HAPLN1: variants seen among roughly 807,000 people sequenced by gnomAD.
HAPLN1 encodes the protein hyaluronan and proteoglycan link protein 1, also known as Cartilage link protein.
A neutral mutation model predicts 36.5 loss-of-function variants in HAPLN1; 13 were observed. The observed-to-expected ratio is 0.36, with a 90% CI of 0.23 to 0.57. The LOEUF (loss-of-function observed/expected upper bound fraction) is 0.57, where lower values mean the gene tolerates loss of function less well. Ranked by LOEUF, HAPLN1 falls within the 20% of genes least tolerant of loss-of-function variation. HAPLN1 has a pLI of 0.83. For missense variants in HAPLN1, 407 were observed against 439.7 expected (o/e 0.93, Z 0.66); for synonymous variants, 202 against 169.8 (o/e 1.19, Z -1.48).
chr5:83,649,492 A>G (rs1484679826), intron 3 of HAPLN1, among the ~76,000 whole-genome samples: 1 of 152,032 alleles, frequency 6.6e-6, no homozygotes, highest in Non-Finnish European at 1.5e-5. Flanking sequence ...TCTGTCACCC[A>G]GGCTGGAGTG....
At chr5:83,712,199 A>G (rs1390613369) in intron 1 of HAPLN1, among the ~76,000 whole-genome samples, 1 of 152,192 alleles carries the variant, frequency 6.6e-6, no homozygotes, top group African/African-American at 2.4e-5. Context: ...GTGGCAGCAC[A>G]AGCACAATAT....
At chr5:83,710,456 T>G (rs1252597362) in intron 1 of HAPLN1, among the ~76,000 whole-genome samples, 1 of 152,022 alleles carries the variant, frequency 6.6e-6, no homozygotes, top group Non-Finnish European at 1.5e-5. Context: ...GAGGAGCATT[T>G]CAATGGAGTA....
intron 1 of HAPLN1, among the ~76,000 whole-genome samples, chr5:83,702,075 T>A (rs546073735): frequency 6.6e-6 from 1 of 152,242 alleles, no homozygotes; most frequent in Admixed American, 6.5e-5. Context: ...GTTACATGAA[T>A]GATGCAAGCA....
chr5:83,652,109 A>C, intron 3 of HAPLN1: 1 of 284,052 alleles, frequency 3.5e-6, no homozygotes, highest in East Asian at 5.9e-5. Context: ...TTTTAGAAAC[A>C]AAATAAAAAA....
rs368031060 is a variant in HAPLN1, at chr5:83,641,827, T to C, written c.776-42A>G. ...ACAGAGTCAATGGGCTGGTCTTCAA[T>C]TGAGCCACACAGAGATAGAAAGAGC... On this transcript the variant is annotated intron_variant, in intron 4 of 4. Transcript: ENST00000274341. 248 of 1,588,604 alleles carry C rather than the reference T, an allele frequency of 1.6e-4. No individual in the cohort carries two copies. The highest frequency in any genetic ancestry group is 5.5e-4 in the Middle Eastern group (3 of 5,420).
chr5:83,647,505 A>G (rs770764284), intron 3 of HAPLN1, among the ~76,000 whole-genome samples: 3 of 152,154 alleles, frequency 2.0e-5, no homozygotes, highest in Non-Finnish European at 4.4e-5. Context: ...GAACTTCATT[A>G]TTGTTAGTAT....
chr5:83,648,300 T>C (rs910566620), intron 3 of HAPLN1, among the ~76,000 whole-genome samples: 7 of 149,682 alleles, frequency 4.7e-5, no homozygotes, highest in African/African-American at 1.7e-4. Context: ...TTTTTGTCAG[T>C]ATGGTTATAT....
At chr5:83,646,910 G>A (rs1235989633) in intron 3 of HAPLN1, among the ~76,000 whole-genome samples, 1 of 152,236 alleles carries the variant, frequency 6.6e-6, no homozygotes, top group African/African-American at 2.4e-5. Context: ...TAGATCTTAA[G>A]TGACAGAAAA....
At chr5:83,704,952 C>G (rs1751604139) in intron 1 of HAPLN1, among the ~76,000 whole-genome samples, 1 of 152,208 alleles carries the variant, frequency 6.6e-6, no homozygotes, top group Non-Finnish European at 1.5e-5. Context: ...ACAGAATATA[C>G]ATTTTTTTCT....
At chr5:83,676,869 C>T (rs1183613963) in intron 1 of HAPLN1, among the ~76,000 whole-genome samples, 1 of 152,142 alleles carries the variant, frequency 6.6e-6, no homozygotes, top group Non-Finnish European at 1.5e-5. Context: ...AAGATGAATC[C>T]AAACTGAAAT....
rs1024304348 is a variant in HAPLN1 at position 83,652,525 on chromosome 5, A to T, written c.400T>A (p.Tyr134Asn). The T allele has an allele frequency of 6.2e-7, 1 of 1,613,954 alleles. No individual in the cohort carries two copies. The highest frequency in any genetic ancestry group is 8.5e-7 in the Non-Finnish European group (1 of 1,179,932). Residue 134 changes from tyrosine to asparagine, a missense_variant, in exon 3 of 5, where the codon TAT (tyrosine) becomes AAT (asparagine). Tyr to Asn is a moderately radical substitution (Grantham distance 143). Coordinates refer to ENST00000274341, the MANE Select transcript of HAPLN1 (RefSeq NM_001884.4). ...LVITDLTLED[Y>N]GRYKCEVIEG... ...ATCACCTCACACTTATATCTCCCAT[A>T]ATCTTCCAGAGTGAGGTCTGTGATG... is the stretch of plus-strand genomic sequence containing the variant.
At chr5:83,675,869 G>C (rs1750848739) in intron 1 of HAPLN1, among the ~76,000 whole-genome samples, 1 of 152,166 alleles carries the variant, frequency 6.6e-6, no homozygotes, top group Non-Finnish European at 1.5e-5. Context: ...CAGTAATCTT[G>C]CTGGAAGGTA....
At chr5:83,686,313 C>G (rs73133863) in intron 1 of HAPLN1, among the ~76,000 whole-genome samples, 1 of 152,188 alleles carries the variant, frequency 6.6e-6, no homozygotes, top group South Asian at 2.1e-4. Flanking sequence ...GGTAAAACAA[C>G]GAAACAGCTG....
At chr5:83,711,188 A>T (rs1751775784) in intron 1 of HAPLN1, among the ~76,000 whole-genome samples, 1 of 152,178 alleles carries the variant, frequency 6.6e-6, no homozygotes, top group South Asian at 2.1e-4. Context: ...TTTAGGCAAG[A>T]CAGTGAGAGG....
At chr5:83,670,784 T>A (rs1295462141) in intron 2 of HAPLN1, among the ~76,000 whole-genome samples, 1 of 151,916 alleles carries the variant, frequency 6.6e-6, no homozygotes, top group East Asian at 1.9e-4. Flanking sequence ...AACCTCTGCT[T>A]CCCGGGTTCA....
intron 1 of HAPLN1, among the ~76,000 whole-genome samples, chr5:83,686,594 G>T (rs1279796466): frequency 6.6e-6 from 1 of 152,160 alleles, no homozygotes; most frequent in Non-Finnish European, 1.5e-5. Flanking sequence ...AGACAGCCAT[G>T]CCACCTTTTC....
chr5:83,705,022 C>CA (rs1483973953), intron 1 of HAPLN1, among the ~76,000 whole-genome samples: 1 of 152,138 alleles, frequency 6.6e-6, no homozygotes, highest in Non-Finnish European at 1.5e-5. Flanking sequence ...CAATGCTCAG[C>CA]AAATGCAAAA....
intron 1 of HAPLN1, among the ~76,000 whole-genome samples, chr5:83,705,387 C>CAAAAAA (rs762927081): frequency 2.0e-3 from 169 of 85,312 alleles, no homozygotes; most frequent in East Asian, 3.1e-3. Context: ...TGAAACGTCA[C>CAAAAAA]AAAAAAAAAA....
At chr5:83,682,162 C>T (rs1321672836) in intron 1 of HAPLN1, among the ~76,000 whole-genome samples, 4 of 152,142 alleles carry the variant, frequency 2.6e-5, no homozygotes, top group Admixed American at 2.0e-4. Context: ...ATTTCATTAA[C>T]GTTGGATCTA....
Sources: gnomAD v4.1 joint callset for allele counts (sites outside exome capture counted in the v4.1 genomes callset) on GRCh38, gnomAD v4.1.1 for gene constraint, MANE v1.5 for transcripts, NCBI Gene and HGNC (gene_info 2026-07-23, HGNC 2026-07-21) for gene names.